TRPM3: variants seen among roughly 807,000 people sequenced by gnomAD.
TRPM3 encodes long transient receptor potential channel 3.
In TRPM3, 77 loss-of-function variants were observed where a neutral mutation model predicts 181.2. That is an observed-to-expected ratio of 0.42 (90% confidence interval 0.35 to 0.51). The LOEUF (loss-of-function observed/expected upper bound fraction) is 0.51, where lower values mean the gene tolerates loss of function less well. Ranked by LOEUF, TRPM3 falls within the 20% of genes least tolerant of loss-of-function variation. The probability of loss-of-function intolerance (pLI) is 0.01; values close to 1 mark genes in which losing one functional copy is unlikely to be tolerated. For missense variants in TRPM3, 1,759 were observed against 2,196.7 expected, an observed-to-expected ratio of 0.80 and a Z score of 3.98; for synonymous variants, 745 against 796.4, an observed-to-expected ratio of 0.94 and a Z score of 1.09.
intron 7 of TRPM3, among the ~76,000 whole-genome samples, chr9:70,764,863 C>T (rs2078805695): frequency 6.6e-6 from 1 of 152,192 alleles, no homozygotes; most frequent in African/African-American, 2.4e-5. Flanking sequence ...CTGCCTTTAA[C>T]AGCTCCCCAA....
chr9:71,226,009 T>TAAAAAAAAAAAAAAAA, intron 1 of TRPM3, among the ~76,000 whole-genome samples: 8 of 34,708 alleles, frequency 2.3e-4, no homozygotes, highest in Admixed American at 4.6e-4. Context: ...CAACAAAAGG[T>TAAAAAAAAAAAAAAAA]AAAAAAAAAA....
At chr9:71,380,801 A>G (rs927623010) in intron 1 of TRPM3, among the ~76,000 whole-genome samples, 16 of 152,232 alleles carry the variant, frequency 1.1e-4, no homozygotes, top group African/African-American at 3.6e-4. Context: ...GGACATGGCA[A>G]TACCCTGACC....
intron 1 of TRPM3, among the ~76,000 whole-genome samples, chr9:71,217,117 A>AT (rs1386092121): frequency 2.0e-5 from 3 of 150,486 alleles, no homozygotes; most frequent in Non-Finnish European, 3.0e-5. Flanking sequence ...CGCCCGGCTA[A>AT]TTTTTTGTAT....
At chr9:71,419,103 T>C (rs1421551674) in intron 1 of TRPM3, among the ~76,000 whole-genome samples, 2 of 151,550 alleles carry the variant, frequency 1.3e-5, no homozygotes, top group African/African-American at 4.8e-5. Context: ...ATGTAAAATA[T>C]TGGAGCTCTT....
chr9:71,035,056 A>G (rs1049064011), intron 1 of TRPM3, among the ~76,000 whole-genome samples: 1 of 152,176 alleles, frequency 6.6e-6, no homozygotes, highest in Non-Finnish European at 1.5e-5. Context: ...ATCCTGTTGG[A>G]AATTCCAGCC....
intron 1 of TRPM3, among the ~76,000 whole-genome samples, chr9:71,255,896 G>A (rs762191532): frequency 2.0e-5 from 3 of 152,120 alleles, no homozygotes; most frequent in African/African-American, 4.8e-5. Context: ...ATGGACAGCT[G>A]TTGCCACAAT....
chr9:71,259,577 C>T (rs895500619), intron 1 of TRPM3, among the ~76,000 whole-genome samples: 3 of 152,066 alleles, frequency 2.0e-5, no homozygotes, highest in Non-Finnish European at 4.4e-5. Context: ...TTTTAATGAT[C>T]ACTATTCTAA....
chr9:71,073,337 C>T (rs1192955906), intron 1 of TRPM3, among the ~76,000 whole-genome samples: 1 of 152,192 alleles, frequency 6.6e-6, no homozygotes, highest in Non-Finnish European at 1.5e-5. Flanking sequence ...TCTTGGCTAT[C>T]AAGGCCAAAA....
chr9:71,340,708 G>A (rs1442283409), intron 1 of TRPM3, among the ~76,000 whole-genome samples: 6 of 152,032 alleles, frequency 3.9e-5, no homozygotes, highest in Non-Finnish European at 7.4e-5. Flanking sequence ...GTTGGTATAC[G>A]TACATATATT....
intron 22 of TRPM3, among the ~76,000 whole-genome samples, chr9:70,585,921 C>T (rs953430168): frequency 3.9e-5 from 6 of 152,184 alleles, no homozygotes; most frequent in African/African-American, 1.2e-4. Context: ...TCAGACCCTT[C>T]CGTCCTACTT....
At chr9:70,941,132 AG>A (rs1023637917) in intron 1 of TRPM3, among the ~76,000 whole-genome samples, 1 of 152,188 alleles carries the variant, frequency 6.6e-6, no homozygotes, top group African/African-American at 2.4e-5. Flanking sequence ...TATGTCTGAG[AG>A]GGTGTTGCCA....
intron 1 of TRPM3, among the ~76,000 whole-genome samples, chr9:71,265,432 C>T (rs2083322486): frequency 6.6e-6 from 1 of 152,132 alleles, no homozygotes; most frequent in Non-Finnish European, 1.5e-5. Flanking sequence ...TTTTTAAAAA[C>T]CTTCTTTGAA....
At chr9:71,143,197 TCTTTTAA>T (rs1307590181) in intron 1 of TRPM3, among the ~76,000 whole-genome samples, 1 of 152,070 alleles carries the variant, frequency 6.6e-6, no homozygotes, top group Non-Finnish European at 1.5e-5. Flanking sequence ...AAATATTTTT[TCTTTTAA>T]CTTTTAAGTT....
chr9:70,653,692 A>C (rs78123695), intron 9 of TRPM3, among the ~76,000 whole-genome samples: 3 of 151,232 alleles, frequency 2.0e-5, no homozygotes, highest in South Asian at 4.2e-4. Flanking sequence ...AAAAAAAAAA[A>C]AAAAAAAACA....
chr9:70,992,215 G>A (rs2097494050), intron 1 of TRPM3, among the ~76,000 whole-genome samples: 1 of 152,168 alleles, frequency 6.6e-6, no homozygotes, highest in African/African-American at 2.4e-5. Flanking sequence ...CTTGACTCTT[G>A]TCTACAACTG....
At chr9:71,322,495 C>T (rs1182049662) in intron 1 of TRPM3, among the ~76,000 whole-genome samples, 1 of 152,104 alleles carries the variant, frequency 6.6e-6, no homozygotes, top group African/African-American at 2.4e-5. Context: ...TCCAGTCATA[C>T]TGCCTCAGGT....
chr9:70,633,585 G>T (rs1259468075), intron 12 of TRPM3, among the ~76,000 whole-genome samples: 1 of 152,160 alleles, frequency 6.6e-6, no homozygotes, highest in Admixed American at 6.6e-5. Context: ...GTTTGCAAGG[G>T]CCAAAGGATG....
chr9:71,089,573 GA>G (rs58316281), intron 1 of TRPM3, among the ~76,000 whole-genome samples: 5,771 of 145,008 alleles, frequency 0.04, 307 homozygotes, highest in African/African-American at 0.12. Flanking sequence ...ACAATGATGT[GA>G]AAAAAAAAAC....
chr9:70,853,817 A>G (rs989746823), intron 3 of TRPM3, among the ~76,000 whole-genome samples: 32 of 152,334 alleles, frequency 2.1e-4, no homozygotes, highest in African/African-American at 6.7e-4. Flanking sequence ...ATATAAATAA[A>G]GCATTTAAGT....
Sources: allele counts gnomAD v4.1 joint callset (sites outside exome capture counted in the v4.1 genomes callset), GRCh38; gene constraint gnomAD v4.1.1; transcripts MANE v1.5; gene names NCBI Gene and HGNC (gene_info 2026-07-23, HGNC 2026-07-21).